The following ACACB variants were observed in gnomAD, a reference collection of about 807,000 sequenced individuals.
ACACB encodes the protein acetyl-CoA carboxylase beta, also known as acetyl-CoA carboxylase 2.
Under a neutral mutation model 278.8 loss-of-function variants are expected in ACACB, and 209 were observed. That is an observed-to-expected ratio of 0.75 (90% confidence interval 0.67 to 0.84). The LOEUF (loss-of-function observed/expected upper bound fraction) is 0.84. Among genes scored for constraint, ACACB ranks in the 40% least tolerant of loss-of-function variants. ACACB has a pLI of 0.00. For missense variants in ACACB, 2,850 were observed against 3,269.0 expected (o/e 0.87, Z 3.13); for synonymous variants, 1,174 against 1,285.6 (o/e 0.91, Z 1.86).
chr12:109,184,706 AT>A (rs201836386), intron 11 of ACACB, among the ~76,000 whole-genome samples: 444 of 139,062 alleles, frequency 3.2e-3, no homozygotes, highest in Middle Eastern at 7.5e-3. Context: ...TGGCATTAAA[AT>A]TTTTTTTTTT....
chr12:109,234,174 C>G, intron 31 of ACACB, 129 bp downstream of exon 31: 1 of 753,692 alleles, frequency 1.3e-6, no homozygotes, highest in Non-Finnish European at 2.2e-6. Context: ...GCTTCCCACT[C>G]TAGCTCTGCT....
At chr12:109,185,822 A>G (rs2136248022) in intron 12 of ACACB, 82 bp downstream of exon 12, 4 of 1,411,632 alleles carry the variant, frequency 2.8e-6, no homozygotes, top group Non-Finnish European at 3.8e-6. Context: ...CTGGGAAGAG[A>G]CACCCACAAG....
rs528494345 is a variant in ACACB at position 109,191,467 on chromosome 12, G to A, written c.2145-146G>A. The A allele has an allele frequency of 2.5e-5, 23 of 934,876 alleles. No homozygotes were observed. The Admixed American group carries it at 3.8e-4, about 16-fold the overall frequency. The allele number at this position is 934,876 out of a possible 1,614,324, so 57.9% of individuals were successfully genotyped here. ...GACCTCAAGTAATACACCTACCTCA[G>A]CCTCCCAAAGTGCTGGGATTACAGG... On this transcript the variant is annotated intron_variant, in intron 13 of 52. Coordinates refer to ENST00000338432, the MANE Select transcript of ACACB (RefSeq NM_001093.4).
intron 47 of ACACB, 146 bp downstream of exon 47, chr12:109,259,254 T>G: frequency 9.6e-7 from 1 of 1,046,386 alleles, no homozygotes; most frequent in East Asian, 2.5e-5. Flanking sequence ...AAAATATTGT[T>G]CAGGTGCCCC....
At chr12:109,188,603 G>A (rs906131772) in intron 13 of ACACB, among the ~76,000 whole-genome samples, 2 of 151,646 alleles carry the variant, frequency 1.3e-5, no homozygotes, top group Non-Finnish European at 2.9e-5. Context: ...GGTCCCCTGG[G>A]GCTTCAGATA....
intron 18 of ACACB, 38 bp downstream of exon 18, chr12:109,199,590 C>G (rs779764152): frequency 1.4e-5 from 20 of 1,388,498 alleles, no homozygotes; most frequent in Non-Finnish European, 1.9e-5. Context: ...CCTGAACCCT[C>G]AAACTCCCAC....
intron 16 of ACACB, 63 bp from the exon 17 acceptor site, chr12:109,196,945 G>T (rs1565910589): frequency 4.1e-6 from 6 of 1,470,318 alleles, no homozygotes; most frequent in South Asian, 1.5e-5. Flanking sequence ...TGTTAGCGGG[G>T]CCCAGCAGTG....
At position 109,175,995 on chromosome 12, in the gene ACACB, T is replaced by C. The variant is rs1188248763; in HGVS notation, c.1281T>C (p.Asp427=). The stretch of plus-strand genomic sequence containing the variant: ...GAAAAAGAATCAGTGTCCCAGAAGA[T>C]GTTTATGACAAGGGTTGCGTGAAAG... ...QQGKRISVPE[D]VYDKGCVKDV... is the part of the protein sequence containing the mutation. The change falls in exon 8 of 53, where the codon GAT becomes GAC. Residue 427 remains aspartate, a synonymous_variant. Transcript: ENST00000338432. The C allele has an allele frequency of 6.2e-7, 1 of 1,614,122 alleles. No individual in the cohort carries two copies. The highest frequency in any genetic ancestry group is 1.7e-5 in the Admixed American group (1 of 60,010).
rs748180603 is a variant in ACACB, at chr12:109,201,680, T to A, written c.2892T>A (p.Asp964Glu). Reference protein sequence around the residue: ...AGCVVARLELDDPSKVHPAEP... With the variant: ...AGCVVARLELEDPSKVHPAEP... ...GCGTGGTGGCCAGGCTGGAGCTCGA[T>A]GACCCTTCTAAAGTCCACCCGGTAT... is the stretch of plus-strand genomic sequence containing the variant. The change falls in exon 19 of 53, where the codon GAT becomes GAA. Residue 964 changes from aspartate (D) to glutamate (E), a missense_variant. Coordinates refer to ENST00000338432, the MANE Select transcript of ACACB (RefSeq NM_001093.4). 2 of 1,614,166 alleles carry A rather than the reference T, an allele frequency of 1.2e-6. No individual in the cohort carries two copies. The highest frequency in any genetic ancestry group is 3.3e-5 in the Admixed American group (2 of 60,026).
chr12:109,201,517 G>C (rs769708963), intron 18 of ACACB, 50 bp from the exon 19 acceptor site: 17 of 1,603,754 alleles, frequency 1.1e-5, no homozygotes, highest in Non-Finnish European at 2.6e-6. Context: ...GGGTGGCTCT[G>C]GGTGTCAATC....
chr12:109,250,921 T>C (rs1412383821), intron 41 of ACACB, among the ~76,000 whole-genome samples: 1 of 152,222 alleles, frequency 6.6e-6, no homozygotes, highest in Non-Finnish European at 1.5e-5. Flanking sequence ...TGCATTGGCA[T>C]GATTCCAGGG....
intron 1 of ACACB, among the ~76,000 whole-genome samples, chr12:109,133,863 A>ATTT (rs67896522): frequency 1.4e-3 from 98 of 70,612 alleles, no homozygotes; most frequent in Non-Finnish European, 2.1e-3. Context: ...ATATATATAT[A>ATTT]TTTTTTTTTT....
At chr12:109,117,565 A>G (rs55777602) in intron 1 of ACACB, among the ~76,000 whole-genome samples, 5,919 of 152,108 alleles carry the variant, frequency 0.039, 205 homozygotes, top group African/African-American at 0.088. Context: ...CTCCTCCTCC[A>G]GGTAGCCACT....
intron 20 of ACACB, among the ~76,000 whole-genome samples, chr12:109,207,367 C>T (rs576174882): frequency 6.6e-6 from 1 of 152,310 alleles, no homozygotes; most frequent in East Asian, 1.9e-4. Context: ...CAGTTCAGCT[C>T]AAGACTGAGA....
chr12:109,262,984 T>TATATATATATATATA (rs1593741001), intron 49 of ACACB: 4 of 32,132 alleles, frequency 1.2e-4, no homozygotes, highest in South Asian at 1.4e-3. Flanking sequence ...ATATATATAT[T>TATATATATATATATA]GCCATCGTGA....
chr12:109,117,365 A>G (rs990638955), intron 1 of ACACB, among the ~76,000 whole-genome samples: 1 of 151,746 alleles, frequency 6.6e-6, no homozygotes, highest in African/African-American at 2.4e-5. Flanking sequence ...GTCTCAAAAA[A>G]AAAAAAAAAG....
At chr12:109,216,281 G>T (rs972357033) in intron 22 of ACACB, among the ~76,000 whole-genome samples, 2 of 149,524 alleles carry the variant, frequency 1.3e-5, no homozygotes, top group African/African-American at 5.0e-5. Context: ...GAGTGCAGTG[G>T]TGCGATCTCG....
At chr12:109,255,101 C>T (rs2047191364) in intron 44 of ACACB, among the ~76,000 whole-genome samples, 1 of 152,084 alleles carries the variant, frequency 6.6e-6, no homozygotes, top group Admixed American at 6.6e-5. Context: ...TACCTACACA[C>T]ACACACACAC....
intron 2 of ACACB, among the ~76,000 whole-genome samples, chr12:109,158,472 T>C (rs1427072679): frequency 6.6e-6 from 1 of 151,508 alleles, no homozygotes; most frequent in Non-Finnish European, 1.5e-5. Context: ...GCTTGAGGAG[T>C]TTGAGACCAG....
Sources: gnomAD v4.1 joint callset for allele counts (sites outside exome capture counted in the v4.1 genomes callset) on GRCh38, gnomAD v4.1.1 for gene constraint, MANE v1.5 for transcripts, NCBI Gene and HGNC (gene_info 2026-07-23, HGNC 2026-07-21) for gene names.